The following CSMD1 variants were observed in gnomAD, a reference collection of about 807,000 sequenced individuals.
The protein encoded by CSMD1 is CUB and sushi domain-containing protein 1.
CSMD1 carries 213 observed loss-of-function variants against 417.5 expected under a neutral mutation model. That is an observed-to-expected ratio of 0.51 (90% confidence interval 0.46 to 0.57). CSMD1 has a LOEUF of 0.57. Among genes scored for constraint, CSMD1 ranks in the 20% least tolerant of loss-of-function variants. The pLI is 0.00. For synonymous variants in CSMD1, 2,862 were observed against 1,736.8 expected, an observed-to-expected ratio of 1.65 and a Z score of -16.11; for missense variants, 6,923 against 4,529.7, an observed-to-expected ratio of 1.53 and a Z score of -15.17.
At chr8:3,941,956 T>C (rs1000973653) in intron 5 of CSMD1, among the ~76,000 whole-genome samples, 1 of 152,112 alleles carries the variant, frequency 6.6e-6, no homozygotes, top group African/African-American at 2.4e-5. Context: ...CCTCTGTATT[T>C]ACAGCCCCTC....
intron 5 of CSMD1, among the ~76,000 whole-genome samples, chr8:3,906,494 AAG>A (rs536947591): frequency 1.1e-4 from 16 of 151,360 alleles, no homozygotes; most frequent in African/African-American, 3.4e-4. Flanking sequence ...TGTATCCGAT[AAG>A]AGAATGAAAA....
chr8:4,419,909 A>T (rs753095552), intron 3 of CSMD1, 44 bp downstream of exon 3: 61 of 1,253,626 alleles, frequency 4.9e-5, no homozygotes, highest in South Asian at 4.0e-4. Flanking sequence ...GTATTAGATC[A>T]TTTGGACAGT....
chr8:3,151,441 T>C lies in CSMD1; in HGVS notation c.5987A>G (p.Asn1996Ser), dbSNP rs1193248798. The C allele has an allele frequency of 8.7e-6, 14 of 1,613,772 alleles. No individual in the cohort carries two copies. The highest frequency in any genetic ancestry group is 5.3e-5 in the African/African-American group (4 of 74,912). Residue 1996 changes from asparagine to serine, a missense_variant, in exon 40 of 70, where the codon AAC becomes AGC. Physicochemically the swap from Asn to Ser is conservative, Grantham distance 46. Coordinates refer to ENST00000635120, the MANE Select transcript of CSMD1 (RefSeq NM_033225.6). The stretch of plus-strand genomic sequence containing the variant: ...GATCCTCCAGGTGCAGTCTAAGTTG[T>C]TGGGGTAAGAACCTGGGAAGCCGGG... ...LSPGFPGSYPNNLDCTWRISL... is the reference protein window; with the variant it reads ...LSPGFPGSYPSNLDCTWRISL...
chr8:4,380,769 G>T (rs958425793), intron 3 of CSMD1, among the ~76,000 whole-genome samples: 1 of 150,592 alleles, frequency 6.6e-6, no homozygotes, highest in African/African-American at 2.4e-5. Flanking sequence ...TAAAAGTGCT[G>T]AAACAAAAAG....
intron 1 of CSMD1, among the ~76,000 whole-genome samples, chr8:4,820,042 C>T (rs1353308583): frequency 1.3e-5 from 2 of 152,072 alleles, no homozygotes; most frequent in African/African-American, 4.8e-5. Flanking sequence ...TGCTTCTCTT[C>T]CTGAACCACA....
At chr8:4,982,895 G>A (rs768816340) in intron 1 of CSMD1, among the ~76,000 whole-genome samples, 15 of 152,152 alleles carry the variant, frequency 9.9e-5, no homozygotes, top group Non-Finnish European at 1.8e-4. Context: ...AACTGCAGTT[G>A]TAAAAGAAAG....
intron 5 of CSMD1, among the ~76,000 whole-genome samples, chr8:3,978,478 A>G (rs943521379): frequency 6.6e-6 from 1 of 152,210 alleles, no homozygotes; most frequent in Admixed American, 6.5e-5. Flanking sequence ...AAATCCATGA[A>G]TATGGGGACT....
At chr8:2,962,755 A>C (rs1435448133) in intron 60 of CSMD1, 116 bp from the exon 61 acceptor site, 1 of 1,140,824 alleles carries the variant, frequency 8.8e-7, no homozygotes, top group African/African-American at 1.6e-5. Flanking sequence ...AACAAGAAAA[A>C]CGCTAAAAGG....
chr8:4,862,168 T>G (rs1802174179), intron 1 of CSMD1, among the ~76,000 whole-genome samples: 1 of 151,596 alleles, frequency 6.6e-6, no homozygotes, highest in African/African-American at 2.4e-5. Context: ...GGAGCTGAGG[T>G]GGGAGTGGTT....
intron 5 of CSMD1, among the ~76,000 whole-genome samples, chr8:3,905,721 C>T (rs1027385918): frequency 2.0e-5 from 3 of 152,202 alleles, no homozygotes; most frequent in African/African-American, 7.2e-5. Context: ...ACATCCAAGT[C>T]CACGCAGATA....
At chr8:3,510,636 T>TA (rs955663853) in intron 10 of CSMD1, among the ~76,000 whole-genome samples, 4 of 151,770 alleles carry the variant, frequency 2.6e-5, no homozygotes, top group Admixed American at 6.5e-5. Context: ...TAACATACGA[T>TA]AAAAAAATCA....
intron 5 of CSMD1, among the ~76,000 whole-genome samples, chr8:3,976,153 C>A (rs1281765125): frequency 7.9e-5 from 12 of 152,022 alleles, no homozygotes; most frequent in Non-Finnish European, 5.9e-5. Flanking sequence ...ACCAAGAATG[C>A]ATAACCTAAG....
intron 3 of CSMD1, among the ~76,000 whole-genome samples, chr8:4,168,841 C>A (rs1451701523): frequency 6.6e-6 from 1 of 152,124 alleles, no homozygotes; most frequent in East Asian, 1.9e-4. Flanking sequence ...CTGTTGTCTT[C>A]AGCCTCCACC....
At chr8:4,133,727 A>G (rs1803249856) in intron 3 of CSMD1, among the ~76,000 whole-genome samples, 1 of 151,492 alleles carries the variant, frequency 6.6e-6, no homozygotes, top group South Asian at 2.1e-4. Context: ...AAGACTGTTT[A>G]TGGTTATGGT....
chr8:4,887,796 T>C, intron 1 of CSMD1, among the ~76,000 whole-genome samples: 1 of 152,090 alleles, frequency 6.6e-6, no homozygotes, highest in East Asian at 1.9e-4. Context: ...ACTTCGTTTC[T>C]AGTGACACTT....
intron 28 of CSMD1, among the ~76,000 whole-genome samples, chr8:3,220,527 A>G (rs79282999): frequency 0.11 from 16,947 of 152,262 alleles, 1,122 homozygotes; most frequent in East Asian, 0.25. Context: ...CTGATAAAGT[A>G]GAAGTATTAA....
At chr8:3,223,983 A>T in intron 27 of CSMD1, 116 bp from the exon 28 acceptor site, 1 of 928,502 alleles carries the variant, frequency 1.1e-6, no homozygotes, top group Non-Finnish European at 1.6e-6. Flanking sequence ...CATTTTTACC[A>T]GTCCAAGAGA....
At chr8:3,064,080 C>T (rs1351251614) in intron 49 of CSMD1, among the ~76,000 whole-genome samples, 1 of 152,200 alleles carries the variant, frequency 6.6e-6, no homozygotes, top group African/African-American at 2.4e-5. Context: ...CTTTCATTTA[C>T]AGGTGAAGAA....
chr8:4,331,253 G>C (rs1329092161), intron 3 of CSMD1, among the ~76,000 whole-genome samples: 1 of 152,110 alleles, frequency 6.6e-6, no homozygotes, highest in African/African-American at 2.4e-5. Context: ...CTTTCAGAGA[G>C]AAGCCAGGGA....
Sources: gnomAD v4.1 joint callset for allele counts (sites outside exome capture counted in the v4.1 genomes callset) on GRCh38, gnomAD v4.1.1 for gene constraint, MANE v1.5 for transcripts, NCBI Gene and HGNC (gene_info 2026-07-23, HGNC 2026-07-21) for gene names.